Variants in SUOX observed in about 807,000 individuals in gnomAD.
SUOX encodes the protein sulfite oxidase, mitochondrial.
SUOX carries 39 observed loss-of-function variants against 41.9 expected under a neutral mutation model. That is an observed-to-expected ratio of 0.93 (90% confidence interval 0.72 to 1.21). SUOX has a LOEUF of 1.21. SUOX is among the 50% of genes most tolerant of loss of function. SUOX has a pLI of 0.00. For synonymous variants in SUOX, 220 were observed against 268.4 expected (o/e 0.82, Z 1.76); for missense variants, 633 against 689.5 (o/e 0.92, Z 0.92).
In SUOX at chr12:56,005,016, G is replaced by T; in HGVS notation, c.1627G>T (p.Val543Phe). The change falls in exon 5 of 5, where the codon GTC (valine) becomes TTC (phenylalanine). Residue 543 changes from valine (V) to phenylalanine (F), a missense_variant. Coordinates refer to ENST00000266971, the MANE Select transcript of SUOX (RefSeq NM_001032386.2). ...TGCCTGGCATCGTGTCCATGTCTATGTCTCCCCATGAGCATGGAAAGGAGC... is the reference window on the plus strand; with the variant it reads ...TGCCTGGCATCGTGTCCATGTCTATTTCTCCCCATGAGCATGGAAAGGAGC... ...SNAWHRVHVY[V>F]SP 6.2e-7 allele frequency: 1 copy of T among 1,611,856 alleles called. No homozygotes were observed.
chr12:56,005,423 A>G lies in SUOX; in HGVS notation c.*396A>G. 2 of 500,020 alleles carry G rather than the reference A, an allele frequency of 4.0e-6. No homozygotes were observed. The highest frequency in any genetic ancestry group is 7.0e-6 in the Non-Finnish European group (2 of 285,208). The allele number at this position is 500,020 out of a possible 1,614,324, so 31.0% of individuals were successfully genotyped here. On this transcript the variant is annotated 3_prime_UTR_variant, in exon 5 of 5. Coordinates refer to ENST00000266971, the MANE Select transcript of SUOX (RefSeq NM_001032386.2). ...AAGAAAAGTGTATATACTATCTTAT[A>G]CTACCTCTCCAGGTTGCCAGAGAGT... is the stretch of plus-strand genomic sequence containing the variant.
intron 2 of SUOX, among the ~76,000 whole-genome samples, chr12:56,000,378 C>G (rs923709700): frequency 6.6e-5 from 10 of 152,374 alleles, no homozygotes; most frequent in African/African-American, 2.4e-4. Context: ...TCCGCAGCTG[C>G]TGGCCCAGGT....
chr12:56,004,240 G>A lies in SUOX; in HGVS notation c.851G>A (p.Arg284Lys), dbSNP rs1407570740. 13 of 1,614,124 alleles carry A rather than the reference G, an allele frequency of 8.1e-6. No individual in the cohort carries two copies. The highest frequency in any genetic ancestry group is 1.1e-5 in the Non-Finnish European group (13 of 1,180,050). Residue 284 changes from arginine (R) to lysine (K), a missense_variant, in exon 5 of 5, where the codon AGA (arginine) becomes AAA (lysine). Transcript: ENST00000266971. The surrounding 1 kb of genome is among the most constrained non-coding windows in gnomAD (Gnocchi z 4.5). Reference sequence around the variant, plus strand: ...AAAGAAGTAAAAGGTCTGGAGTGGAGAACAGGAGCCATCAGCACTGCACGC... The same window carrying A: ...AAAGAAGTAAAAGGTCTGGAGTGGAAAACAGGAGCCATCAGCACTGCACGC... ...QVKEVKGLEWRTGAISTARWA... is the reference protein window; with the variant it reads ...QVKEVKGLEWKTGAISTARWA...
chr12:56,003,635 A>C lies in SUOX; in HGVS notation c.246A>C (p.Thr82=), dbSNP rs761572147. The change falls in exon 5 of 5, where the codon ACA becomes ACC. Residue 82 remains threonine (T), a synonymous_variant. Coordinates refer to ENST00000266971, the MANE Select transcript of SUOX (RefSeq NM_001032386.2). The part of the protein sequence containing the change: ...DHRCRAAQES[T]HIYTKEEVSS... Reference sequence around the variant, plus strand: ...GCCAATAGGCTGCTCAGGAGTCAACACACATATACACTAAGGAGGAAGTGA... The same window carrying C: ...GCCAATAGGCTGCTCAGGAGTCAACCCACATATACACTAAGGAGGAAGTGA... 4.5e-5 allele frequency: 73 copies of C among 1,614,016 alleles called. No homozygotes were observed. The highest frequency in any genetic ancestry group is 6.0e-5 in the Non-Finnish European group (71 of 1,180,022).
At chr12:56,001,571 AG>A (rs1279555377) in intron 2 of SUOX, 1 of 157,432 alleles carries the variant, frequency 6.4e-6, no homozygotes, top group Non-Finnish European at 1.4e-5. Flanking sequence ...CCAGTGGATA[AG>A]GGGGTACTAC....
intron 2 of SUOX, among the ~76,000 whole-genome samples, chr12:55,999,749 G>T (rs530569153): frequency 1.3e-5 from 2 of 152,190 alleles, no homozygotes; most frequent in African/African-American, 4.8e-5. Context: ...CTCTTATCTG[G>T]TGCCACCCAC....
In SUOX at chr12:56,001,683, G is replaced by A. The variant is rs561324381; in HGVS notation, c.-10-529G>A. On this transcript the variant is annotated intron_variant, in intron 2 of 4. Coordinates refer to ENST00000266971, the MANE Select transcript of SUOX (RefSeq NM_001032386.2). ...CTTGGAATCTTGCTCAGGAAATCGG[G>A]CTGGTTAATGAATAACAAGAGATCC... 1.5e-4 allele frequency: 26 copies of A among 177,562 alleles called. No homozygotes were observed. The South Asian group carries it at 3.3e-3, about 23-fold the overall frequency. 11.0% of individuals were successfully genotyped at this position (177,562 alleles called of 1,614,324 possible). A position where few individuals can be genotyped will look rare whatever the true frequency, so the allele number is the denominator to read the frequency against.
intron 2 of SUOX, 57 bp from the exon 3 acceptor site, chr12:56,002,155 C>T: frequency 6.2e-7 from 1 of 1,604,522 alleles, no homozygotes; most frequent in Non-Finnish European, 8.5e-7. Context: ...CCTTAGGCCT[C>T]CCTAATATCC....
At chr12:56,003,158 T>C (rs558987300) in intron 4 of SUOX, 2 of 258,424 alleles carry the variant, frequency 7.7e-6, no homozygotes, top group African/African-American at 4.5e-5. Flanking sequence ...TCATGCACAG[T>C]GGAGATGAAA....
In SUOX at chr12:56,004,037, C is replaced by G. The variant is rs1890637409; in HGVS notation, c.648C>G (p.Thr216=). The part of the protein sequence containing the change: ...NYITPNPIFF[T]RNHLPVPNLD... ...TCACACCCAACCCTATCTTCTTCAC[C>G]CGGAACCATCTGCCTGTACCTAACC... Residue 216 remains threonine, a synonymous_variant, in exon 5 of 5, where the codon ACC becomes ACG. Transcript: ENST00000266971. The surrounding 1 kb of genome is among the most constrained non-coding windows in gnomAD (Gnocchi z 4.5). 6.2e-7 allele frequency: 1 copy of G among 1,614,166 alleles called. No homozygotes were observed. Among genetic ancestry groups the G allele is most frequent in the Non-Finnish European group, 8.5e-7 (1 of 1,180,042 alleles).
At chr12:56,003,540 T>C in intron 4 of SUOX, 78 bp from the exon 5 acceptor site, 1 of 1,424,602 alleles carries the variant, frequency 7.0e-7, no homozygotes, top group Non-Finnish European at 9.9e-7. Context: ...GGATTACAGT[T>C]GTGAGTCACC....
Position 55,997,292 on chromosome 12 carries a change from TC to T in SUOX, c.-166del, listed in dbSNP as rs1890340468. 1 of 152,246 alleles carries T rather than the reference TC, an allele frequency of 6.6e-6. No individual in the cohort carries two copies. 9.4% of individuals were successfully genotyped at this position (152,246 alleles called of 1,614,324 possible). On this transcript the variant is annotated 5_prime_UTR_variant, in exon 1 of 5. Transcript: ENST00000266971. ...GCTGGCCCCGCCCCTTCTCGAGAACTCGCAGAGCTGGGCTGGTAAAATTGCA... is the reference window on the plus strand; with the variant it reads ...GCTGGCCCCGCCCCTTCTCGAGAACTGCAGAGCTGGGCTGGTAAAATTGCA...
intron 2 of SUOX, among the ~76,000 whole-genome samples, chr12:56,000,583 G>A (rs984758482): frequency 1.3e-5 from 2 of 152,168 alleles, no homozygotes; most frequent in African/African-American, 4.8e-5. Flanking sequence ...AGCCCAGAAA[G>A]GGGCTCCCAC....
chr12:56,004,626 G>C lies in SUOX; in HGVS notation c.1237G>C (p.Asp413His). The C allele has an allele frequency of 2.5e-6, 4 of 1,614,214 alleles. No individual in the cohort carries two copies. The highest frequency in any genetic ancestry group is 3.4e-6 in the Non-Finnish European group (4 of 1,180,036). Residue 413 changes from aspartate (D) to histidine (H), a missense_variant, in exon 5 of 5, where the codon GAT (aspartate) becomes CAT (histidine). Transcript: ENST00000266971. This position sits in a 1 kb window ranked among gnomAD's most constrained non-coding sequence, Gnocchi z 4.5. ...TCCATCTGTGGACTGGGAGACTGTAGATTTTGACTCTGCTCCATCCATTCA... is the reference window on the plus strand; with the variant it reads ...TCCATCTGTGGACTGGGAGACTGTACATTTTGACTCTGCTCCATCCATTCA... The part of the protein sequence containing the change: ...FSPSVDWETV[D>H]FDSAPSIQEL...
Position 56,003,970 on chromosome 12 carries a change from T to C in SUOX, c.581T>C (p.Phe194Ser). Residue 194 changes from phenylalanine to serine, a missense_variant, in exon 5 of 5, where the codon TTT becomes TCT. Physicochemically the swap from Phe to Ser is radical, Grantham distance 155 (BLOSUM62 -2). Coordinates refer to ENST00000266971, the MANE Select transcript of SUOX (RefSeq NM_001032386.2). ...PALKVNSQRP[F>S]NAEPPPELLT... ...CTGAAGGTCAACAGCCAGCGGCCCT[T>C]TAATGCAGAGCCTCCCCCTGAGCTG... The C allele has an allele frequency of 6.2e-7, 1 of 1,614,132 alleles. No individual in the cohort carries two copies. The highest frequency in any genetic ancestry group is 1.1e-5 in the South Asian group (1 of 91,082).
At position 56,005,207 on chromosome 12, in the gene SUOX, C is replaced by G; in HGVS notation, c.*180C>G. ...CTCTTTGGACACTATGTTACATACC[C>G]CTCTTGGCCTTTGAACCTGTGCCAG... On this transcript the variant is annotated 3_prime_UTR_variant, in exon 5 of 5. Transcript: ENST00000266971. The G allele has an allele frequency of 1.4e-6, 1 of 694,058 alleles. No individual in the cohort carries two copies. The highest frequency in any genetic ancestry group is 2.7e-5 in the East Asian group (1 of 36,912). The allele number at this position is 694,058 out of a possible 1,614,324, so 43.0% of individuals were successfully genotyped here.
Position 56,004,621 on chromosome 12 carries a change from CTG to C in SUOX, c.1234_1235del (p.Val412ArgfsTer3). The C allele has an allele frequency of 6.2e-7, 1 of 1,614,204 alleles. No individual in the cohort carries two copies. Among genetic ancestry groups the C allele is most frequent in the Non-Finnish European group, 8.5e-7 (1 of 1,180,040 alleles). On this transcript the variant is annotated frameshift_variant, in exon 5 of 5. Transcript: ENST00000266971. LOFTEE classifies it high-confidence loss of function. This position sits in a 1 kb window ranked among gnomAD's most constrained non-coding sequence, Gnocchi z 4.5. ...TTCTCTCCATCTGTGGACTGGGAGACTGTAGATTTTGACTCTGCTCCATCCAT... is the reference window on the plus strand; with the variant it reads ...TTCTCTCCATCTGTGGACTGGGAGACTAGATTTTGACTCTGCTCCATCCAT...
In SUOX at chr12:56,005,254, A is replaced by G; in HGVS notation, c.*227A>G. 5.0e-6 allele frequency: 3 copies of G among 605,078 alleles called. No homozygotes were observed. The highest frequency in any genetic ancestry group is 8.8e-6 in the Non-Finnish European group (3 of 341,098). The allele number at this position is 605,078 out of a possible 1,614,324, so 37.5% of individuals were successfully genotyped here. A position where few individuals can be genotyped will look rare whatever the true frequency, so the allele number is the denominator to read the frequency against. On this transcript the variant is annotated 3_prime_UTR_variant, in exon 5 of 5. Coordinates refer to ENST00000266971, the MANE Select transcript of SUOX (RefSeq NM_001032386.2). ...CCAGGAAGTGTGAGCTGTTACAGCAAGGGGCTAGAAGTGAAAAAAGTAATT... is the reference window on the plus strand; with the variant it reads ...CCAGGAAGTGTGAGCTGTTACAGCAGGGGGCTAGAAGTGAAAAAAGTAATT...
In SUOX at chr12:55,998,382, C is replaced by CAA. The variant is rs780569420; in HGVS notation, c.-11+675_-11+676dup. Among the ~76,000 whole-genome samples, 74 of 55,684 alleles carry CAA rather than the reference C, an allele frequency of 1.3e-3. No homozygotes were observed. The South Asian group carries it at 0.024, about 18-fold the overall frequency. The allele number at this position is 55,684 out of a possible 152,430, so 36.5% of individuals were successfully genotyped here. A position where few individuals can be genotyped will look rare whatever the true frequency, so the allele number is the denominator to read the frequency against. ...GCAACATAGTAAGACCTCATCTCTA[C>CAA]AAAAAAAAAAAAAAAAAGACCATGC... On this transcript the variant is annotated intron_variant, in intron 2 of 4. Transcript: ENST00000266971.
Sources: gnomAD v4.1 joint callset for allele counts (sites outside exome capture counted in the v4.1 genomes callset) on GRCh38, gnomAD v4.1.1 for gene constraint, Gnocchi (gnomAD v3.1) non-coding constraint, MANE v1.5 for transcripts, NCBI Gene and HGNC (gene_info 2026-07-23, HGNC 2026-07-21) for gene names.